The following FOXP1 variants were observed in gnomAD, a reference collection of about 807,000 sequenced individuals.
FOXP1 encodes the protein forkhead box protein P1.
In FOXP1, 15 loss-of-function variants were observed where a neutral mutation model predicts 98.2. The ratio of observed to expected loss-of-function variants is 0.15; its 90% CI spans 0.10 to 0.24. The LOEUF (loss-of-function observed/expected upper bound fraction) is 0.24, where lower values mean the gene tolerates loss of function less well. Ranked by LOEUF, FOXP1 falls within the 10% of genes least tolerant of loss-of-function variation. The pLI is 1.00. For synonymous variants in FOXP1, 371 were observed against 314.5 expected (o/e 1.18, Z -1.90); for missense variants, 633 against 848.5 (o/e 0.75, Z 3.15).
intron 3 of FOXP1, among the ~76,000 whole-genome samples, chr3:71,446,463 G>T (rs1201984735): frequency 6.6e-6 from 1 of 152,110 alleles, no homozygotes; most frequent in Non-Finnish European, 1.5e-5. Context: ...AAGGAGGGAG[G>T]GAGCCAGGCG....
At chr3:71,318,470 A>C (rs1560297839) in intron 4 of FOXP1, among the ~76,000 whole-genome samples, 2 of 152,240 alleles carry the variant, frequency 1.3e-5, no homozygotes. Flanking sequence ...AAATATTTGC[A>C]CATTGCAATC....
chr3:71,104,666 A>G (rs2057275657), intron 7 of FOXP1, among the ~76,000 whole-genome samples: 1 of 151,986 alleles, frequency 6.6e-6, no homozygotes, highest in Non-Finnish European at 1.5e-5. Flanking sequence ...AGAATTTTCA[A>G]TAGGGATGGA....
intron 5 of FOXP1, 29 bp from the exon 6 acceptor site, chr3:71,198,421 A>AGGGGGGGGGGG: frequency 5.2e-6 from 2 of 388,020 alleles, no homozygotes; most frequent in Non-Finnish European, 9.5e-6. Context: ...AGATGGGGGG[A>AGGGGGGGGGGG]GGGAGGGGGG....
At chr3:70,985,974 C>T (rs932609642) in intron 14 of FOXP1, among the ~76,000 whole-genome samples, 6 of 152,140 alleles carry the variant, frequency 3.9e-5, no homozygotes, top group South Asian at 4.2e-4. Context: ...ATATTCGTGC[C>T]GATTTCTTCT....
chr3:71,188,468 GCAGTGGCACAAT>G (rs1172732410), intron 6 of FOXP1, among the ~76,000 whole-genome samples: 4 of 149,928 alleles, frequency 2.7e-5, no homozygotes, highest in Non-Finnish European at 5.9e-5. Flanking sequence ...AGGCTGGAGT[GCAGTGGCACAAT>G]CTCGGCTCAC....
chr3:71,583,975 T>C, upstream of FOXP1: 1 of 909,714 alleles, frequency 1.1e-6, no homozygotes, highest in South Asian at 5.1e-5. Flanking sequence ...GCCGGGGCGC[T>C]GGCGCCCACC....
In FOXP1 at chr3:71,011,945, C is replaced by G. The variant is rs367595038; in HGVS notation, c.974+3604G>C. ...TTCTTTAATACGAAAATTATTCTCT[C>G]TCCTTTTTGGGATAATCTTCTAATA... On this transcript the variant is annotated intron_variant, in intron 12 of 20. Transcript: ENST00000649528. Among the ~76,000 whole-genome samples, 10 of 152,226 alleles carry G rather than the reference C, an allele frequency of 6.6e-5. No individual in the cohort carries two copies. The East Asian group carries it at 1.9e-3, about 29-fold the overall frequency.
intron 3 of FOXP1, among the ~76,000 whole-genome samples, chr3:71,367,523 G>A (rs1012733989): frequency 2.6e-5 from 4 of 152,086 alleles, no homozygotes; most frequent in Non-Finnish European, 5.9e-5. Context: ...TACTGGGCTG[G>A]AAGGACGGCA....
At chr3:71,447,116 T>C (rs930434551) in intron 3 of FOXP1, among the ~76,000 whole-genome samples, 1 of 152,254 alleles carries the variant, frequency 6.6e-6, no homozygotes, top group Admixed American at 6.5e-5. Flanking sequence ...GTCAGGAATC[T>C]GGGCTCTGCA....
intron 3 of FOXP1, among the ~76,000 whole-genome samples, chr3:71,467,237 A>G (rs1025062183): frequency 1.3e-5 from 2 of 152,206 alleles, no homozygotes; most frequent in African/African-American, 4.8e-5. Context: ...ATATACATAC[A>G]CACACATATA....
intron 20 of FOXP1, among the ~76,000 whole-genome samples, chr3:70,960,591 G>A (rs2033142678): frequency 1.3e-5 from 2 of 152,220 alleles, no homozygotes; most frequent in Non-Finnish European, 2.9e-5. Flanking sequence ...TCTGGGACAG[G>A]CTGCAGAAGG....
chr3:71,000,813 A>C (rs1452969663), intron 13 of FOXP1, among the ~76,000 whole-genome samples, 159 bp downstream of exon 13: 1 of 150,176 alleles, frequency 6.7e-6, no homozygotes, highest in Non-Finnish European at 1.5e-5. Context: ...ATAAAATAAA[A>C]TAAAATAAAA....
At chr3:71,183,884 G>T (rs1452092228) in intron 6 of FOXP1, among the ~76,000 whole-genome samples, 2 of 152,182 alleles carry the variant, frequency 1.3e-5, no homozygotes, top group Non-Finnish European at 2.9e-5. Flanking sequence ...CTGGCGTGGT[G>T]GCTCACGTCT....
intron 4 of FOXP1, among the ~76,000 whole-genome samples, chr3:71,322,055 T>A (rs2075420174): frequency 6.6e-6 from 1 of 152,234 alleles, no homozygotes; most frequent in African/African-American, 2.4e-5. Context: ...ATAAGCAGGA[T>A]TTTTATTTGT....
intron 5 of FOXP1, among the ~76,000 whole-genome samples, chr3:71,284,792 C>T (rs1298641): frequency 0.63 from 95,987 of 151,680 alleles, 32,135 homozygotes; most frequent in East Asian, 0.92. Flanking sequence ...ACACAAATAC[C>T]ATATACTGTA....
chr3:71,406,203 TC>T (rs1317731064), intron 3 of FOXP1, among the ~76,000 whole-genome samples: 1 of 151,828 alleles, frequency 6.6e-6, no homozygotes, highest in Non-Finnish European at 1.5e-5. Flanking sequence ...ACATTTCTTA[TC>T]TTACAGTTCT....
intron 2 of FOXP1, among the ~76,000 whole-genome samples, chr3:71,498,087 G>A (rs2091538490): frequency 1.3e-5 from 2 of 152,104 alleles, no homozygotes; most frequent in South Asian, 4.1e-4. Context: ...CGCTTTCCAA[G>A]TCCTGTGGCT....
intron 11 of FOXP1, among the ~76,000 whole-genome samples, chr3:71,023,405 C>G (rs1034009106): frequency 2.0e-5 from 3 of 152,160 alleles, no homozygotes; most frequent in Non-Finnish European, 2.9e-5. Context: ...AAATCAGACA[C>G]CTTGGGTTTC....
At chr3:70,997,751 A>C (rs1233215244) in intron 13 of FOXP1, among the ~76,000 whole-genome samples, 2 of 152,166 alleles carry the variant, frequency 1.3e-5, no homozygotes, top group Admixed American at 1.3e-4. Context: ...CTAGAGTGTA[A>C]GAACTTGGAG....
Sources: gnomAD v4.1 joint callset for allele counts (sites outside exome capture counted in the v4.1 genomes callset) on GRCh38, gnomAD v4.1.1 for gene constraint, MANE v1.5 for transcripts, NCBI Gene and HGNC (gene_info 2026-07-23, HGNC 2026-07-21) for gene names.